NDUFAF2: variants seen among roughly 807,000 people sequenced by gnomAD.
NDUFAF2 encodes NADH dehydrogenase [ubiquinone] 1 alpha subcomplex assembly factor 2.
In NDUFAF2, 13 loss-of-function variants were observed where a neutral mutation model predicts 22.8. That is an observed-to-expected ratio of 0.57 (90% CI 0.37 to 0.91). The LOEUF (loss-of-function observed/expected upper bound fraction) is 0.91. Ranked by LOEUF, NDUFAF2 falls within the 40% of genes least tolerant of loss-of-function variation. The pLI, the probability that NDUFAF2 is intolerant of heterozygous loss-of-function variation, is 0.01. For missense variants in NDUFAF2, 162 were observed against 195.2 expected, an observed-to-expected ratio of 0.83 and a Z score of 1.01; for synonymous variants, 53 against 64.2, an observed-to-expected ratio of 0.83 and a Z score of 0.84.
chr5:61,137,380 C>T (rs1388038820), intron 3 of NDUFAF2, among the ~76,000 whole-genome samples: 2 of 151,928 alleles, frequency 1.3e-5, no homozygotes, highest in Non-Finnish European at 2.9e-5. Flanking sequence ...ATTCCTGGCC[C>T]TTGGAGTTTA....
intron 1 of NDUFAF2, among the ~76,000 whole-genome samples, chr5:60,946,043 G>A (rs1279650128): frequency 6.6e-6 from 1 of 152,126 alleles, no homozygotes; most frequent in Non-Finnish European, 1.5e-5. Flanking sequence ...TTTAAGAAAC[G>A]TGGCAATAAT....
chr5:61,028,284 T>A (rs968340311), intron 1 of NDUFAF2, among the ~76,000 whole-genome samples: 1 of 152,076 alleles, frequency 6.6e-6, no homozygotes, highest in African/African-American at 2.4e-5. Context: ...ATGTGCATAT[T>A]TGTTTTCGAC....
chr5:60,967,846 C>T (rs1750778102), intron 1 of NDUFAF2, among the ~76,000 whole-genome samples: 1 of 150,082 alleles, frequency 6.7e-6, no homozygotes, highest in Non-Finnish European at 1.5e-5. Context: ...TCTAGTAATG[C>T]TGGCATTATG....
At chr5:60,945,866 G>C (rs1477792525) in intron 1 of NDUFAF2, among the ~76,000 whole-genome samples, 1 of 152,206 alleles carries the variant, frequency 6.6e-6, no homozygotes, top group African/African-American at 2.4e-5. Flanking sequence ...CAGCGCCTCG[G>C]CTGTCTTCTT....
intron 3 of NDUFAF2, among the ~76,000 whole-genome samples, chr5:61,100,118 GT>G (rs1187378692): frequency 2.1e-5 from 2 of 93,602 alleles, no homozygotes; most frequent in African/African-American, 6.7e-5. Flanking sequence ...AATAAAAGCT[GT>G]TTTGGGGGGA....
intron 3 of NDUFAF2, among the ~76,000 whole-genome samples, chr5:61,144,452 A>G (rs1741105499): frequency 2.0e-5 from 3 of 152,182 alleles, no homozygotes; most frequent in African/African-American, 7.2e-5. Flanking sequence ...TTTTCTTGTT[A>G]AGTATATGTA....
intron 3 of NDUFAF2, chr5:61,116,657 A>T (rs1415647759): frequency 6.6e-6 from 1 of 152,176 alleles, no homozygotes; most frequent in Non-Finnish European, 1.5e-5. Context: ...TTAAGCTTGA[A>T]TGTAGGCTAA....
At chr5:61,079,921 G>A (rs1050321699) in intron 2 of NDUFAF2, among the ~76,000 whole-genome samples, 4 of 152,176 alleles carry the variant, frequency 2.6e-5, no homozygotes, top group South Asian at 2.1e-4. Flanking sequence ...AAACTGGGGC[G>A]ATCGTGAGGT....
intron 1 of NDUFAF2, among the ~76,000 whole-genome samples, chr5:61,020,545 T>TTGTG (rs1340553314): frequency 6.1e-5 from 7 of 114,234 alleles, no homozygotes; most frequent in Non-Finnish European, 1.1e-4. Context: ...GTGGGTTTTG[T>TTGTG]TATGTGTGTG....
At chr5:61,106,955 C>G (rs1021927962) in intron 3 of NDUFAF2, among the ~76,000 whole-genome samples, 1 of 150,270 alleles carries the variant, frequency 6.7e-6, no homozygotes, top group East Asian at 1.9e-4. Flanking sequence ...TAGGTTGCTT[C>G]CAAGTCTGCA....
intron 1 of NDUFAF2, among the ~76,000 whole-genome samples, chr5:60,952,096 A>G (rs1750555171): frequency 6.6e-6 from 1 of 151,508 alleles, no homozygotes; most frequent in African/African-American, 2.4e-5. Context: ...ATTTGTGGCT[A>G]TTGTTTTCTT....
At chr5:61,150,972 T>C (rs547974380) in intron 3 of NDUFAF2, among the ~76,000 whole-genome samples, 1 of 152,300 alleles carries the variant, frequency 6.6e-6, no homozygotes, top group South Asian at 2.1e-4. Flanking sequence ...TCGCTTACTG[T>C]GGTGATTAAA....
chr5:61,130,661 T>C (rs1753097871), intron 3 of NDUFAF2, among the ~76,000 whole-genome samples: 1 of 152,136 alleles, frequency 6.6e-6, no homozygotes, highest in Non-Finnish European at 1.5e-5. Context: ...AAGGGTTTGT[T>C]TGATTCCCTT....
At chr5:61,150,773 G>A (rs925219431) in intron 3 of NDUFAF2, among the ~76,000 whole-genome samples, 2 of 152,098 alleles carry the variant, frequency 1.3e-5, no homozygotes, top group East Asian at 1.9e-4. Context: ...TTTTCATTCC[G>A]CTCCAAAGAA....
intron 1 of NDUFAF2, among the ~76,000 whole-genome samples, chr5:60,976,938 T>C (rs1342417620): frequency 6.6e-6 from 1 of 152,146 alleles, no homozygotes; most frequent in Non-Finnish European, 1.5e-5. Flanking sequence ...AATTATTGAA[T>C]ATCTATCTTC....
intron 1 of NDUFAF2, among the ~76,000 whole-genome samples, chr5:61,035,069 T>TG (rs1751780098): frequency 1.4e-5 from 2 of 140,454 alleles, no homozygotes; most frequent in African/African-American, 2.6e-5. Context: ...GAAGATAGTG[T>TG]ATTTTTTTTT....
intron 1 of NDUFAF2, among the ~76,000 whole-genome samples, chr5:61,008,960 C>G (rs1751408305): frequency 6.6e-6 from 1 of 151,920 alleles, no homozygotes; most frequent in South Asian, 2.1e-4. Flanking sequence ...AGTGTGTCTT[C>G]TATTTGAGGT....
chr5:60,946,633 C>G (rs1037434081), intron 1 of NDUFAF2, among the ~76,000 whole-genome samples: 2 of 152,180 alleles, frequency 1.3e-5, no homozygotes, highest in Non-Finnish European at 2.9e-5. Flanking sequence ...AATATGCAAA[C>G]TGTCAGACTG....
chr5:60,965,505 T>C (rs773378289), intron 1 of NDUFAF2, among the ~76,000 whole-genome samples: 3 of 152,180 alleles, frequency 2.0e-5, no homozygotes, highest in Non-Finnish European at 4.4e-5. Context: ...TTGTACTCTT[T>C]GACCAGCGTC....
Sources: allele counts gnomAD v4.1 joint callset (sites outside exome capture counted in the v4.1 genomes callset), GRCh38; gene constraint gnomAD v4.1.1; transcripts MANE v1.5; gene names NCBI Gene and HGNC (gene_info 2026-07-23, HGNC 2026-07-21).